The following FHOD3 variants were observed in gnomAD, a reference collection of about 807,000 sequenced individuals.
FHOD3 encodes formin homology 2 domain containing 3.
FHOD3 carries 90 observed loss-of-function variants against 173.0 expected under a neutral mutation model. The ratio of observed to expected loss-of-function variants is 0.52; its 90% CI spans 0.44 to 0.62. FHOD3 has a LOEUF of 0.62. FHOD3 is among the 20% of genes least tolerant of loss of function. The probability of loss-of-function intolerance (pLI) is 0.00; values close to 1 mark genes in which losing one functional copy is unlikely to be tolerated. For missense variants in FHOD3, 1,945 were observed against 2,034.7 expected, an observed-to-expected ratio of 0.96 and a Z score of 0.85; for synonymous variants, 828 against 823.0, an observed-to-expected ratio of 1.01 and a Z score of -0.10.
intron 9 of FHOD3, among the ~76,000 whole-genome samples, chr18:36,618,250 A>T: frequency 7.7e-6 from 1 of 130,632 alleles, no homozygotes; most frequent in African/African-American, 2.9e-5. Flanking sequence ...ATTTCTTTTC[A>T]TCTTTTAACC....
chr18:36,472,752 T>C (rs78684234), intron 3 of FHOD3, among the ~76,000 whole-genome samples: 127 of 152,362 alleles, frequency 8.3e-4, no homozygotes, highest in African/African-American at 2.9e-3. Context: ...TACTTCTTTT[T>C]TTCTACTGCT....
chr18:36,474,167 C>T (rs909567401), intron 3 of FHOD3, among the ~76,000 whole-genome samples: 1 of 152,206 alleles, frequency 6.6e-6, no homozygotes, highest in Non-Finnish European at 1.5e-5. Flanking sequence ...GGACTCAGAT[C>T]CTTAAAGTAT....
chr18:36,651,681 G>T (rs552054396), intron 11 of FHOD3, among the ~76,000 whole-genome samples: 67 of 152,124 alleles, frequency 4.4e-4, no homozygotes, highest in South Asian at 1.2e-3. Context: ...GAACCTGGGA[G>T]GCAAAGGTTG....
At chr18:36,358,328 C>T (rs1204237926) in intron 2 of FHOD3, among the ~76,000 whole-genome samples, 1 of 152,252 alleles carries the variant, frequency 6.6e-6, no homozygotes, top group Non-Finnish European at 1.5e-5. Context: ...AGCTTTGCTG[C>T]CATCATCCAT....
intron 27 of FHOD3, among the ~76,000 whole-genome samples, chr18:36,767,599 C>T (rs750657200): frequency 6.6e-5 from 10 of 152,282 alleles, no homozygotes; most frequent in Middle Eastern, 6.8e-3. Context: ...GGATTACAGA[C>T]GTGAGCCACT....
intron 3 of FHOD3, among the ~76,000 whole-genome samples, chr18:36,464,244 A>T: frequency 6.6e-6 from 1 of 152,236 alleles, no homozygotes; most frequent in East Asian, 1.9e-4. Flanking sequence ...CTCTGATAAA[A>T]GGTATCTGGT....
In FHOD3 at chr18:36,740,641, A is replaced by G. The variant is rs758443807; in HGVS notation, c.3577-15A>G. The G allele has an allele frequency of 9.4e-6, 15 of 1,603,400 alleles. No homozygotes were observed. The highest frequency in any genetic ancestry group is 1.3e-5 in the African/African-American group (1 of 74,578). ...TCACTAAGAGAAAATATACTATATC[A>G]TCTCCTATTTCCAGAAAATTCTAAC... On this transcript the variant is annotated splice_polypyrimidine_tract_variant and intron_variant, in intron 20 of 28. Transcript: ENST00000590592.
intron 5 of FHOD3, among the ~76,000 whole-genome samples, chr18:36,525,484 C>G (rs2056469368): frequency 6.6e-6 from 1 of 152,092 alleles, no homozygotes; most frequent in Non-Finnish European, 1.5e-5. Flanking sequence ...GATTTCTGCA[C>G]CATGGAAACT....
At chr18:36,754,230 GT>G (rs1157414109) in intron 24 of FHOD3, among the ~76,000 whole-genome samples, 2 of 152,102 alleles carry the variant, frequency 1.3e-5, no homozygotes, top group Non-Finnish European at 2.9e-5. Context: ...CTCAAAAAGA[GT>G]AAGCCAGTGT....
intron 4 of FHOD3, among the ~76,000 whole-genome samples, chr18:36,504,357 G>A (rs893710222): frequency 1.3e-5 from 2 of 151,972 alleles, no homozygotes; most frequent in East Asian, 1.9e-4. Context: ...GGGTCCCTCC[G>A]AATACCATTA....
intron 20 of FHOD3, among the ~76,000 whole-genome samples, chr18:36,739,332 A>G (rs960941491): frequency 5.3e-5 from 8 of 152,206 alleles, no homozygotes; most frequent in Admixed American, 2.0e-4. Flanking sequence ...CTCTGGGCAC[A>G]CTGCCTAGGA....
chr18:36,462,401 G>C (rs536787668), intron 3 of FHOD3, among the ~76,000 whole-genome samples: 8 of 151,648 alleles, frequency 5.3e-5, no homozygotes, highest in Non-Finnish European at 1.2e-4. Context: ...GTGCTATCTC[G>C]GCTCACTGCA....
intron 1 of FHOD3, among the ~76,000 whole-genome samples, chr18:36,323,773 A>G (rs7245237): frequency 0.086 from 13,098 of 152,200 alleles, 1,823 homozygotes; most frequent in African/African-American, 0.29. Context: ...ATCCTCGACT[A>G]CTTCAGTTTG....
Position 36,693,209 on chromosome 18 carries a change from A to T in FHOD3, c.2022A>T (p.Arg674Ser). 1 of 1,612,290 alleles carries T rather than the reference A, an allele frequency of 6.2e-7. No homozygotes were observed. Among genetic ancestry groups the T allele is most frequent in the Non-Finnish European group, 8.5e-7 (1 of 1,179,262 alleles). The change falls in exon 17 of 29, where the codon AGA (arginine) becomes AGT (serine). Residue 674 changes from arginine to serine, a missense_variant and splice_region_variant. Coordinates refer to ENST00000590592, the MANE Select transcript of FHOD3 (RefSeq NM_001281740.3). Reference protein sequence around the residue: ...REEQRQAREERYKYLEQLAAE... With the variant: ...REEQRQAREESYKYLEQLAAE... ...AAACCCTTTGGAATTTAACTTTCAG[A>T]TACAAATACTTGGAACAGTTGGCAG... is the stretch of plus-strand genomic sequence containing the variant.
At chr18:36,299,792 C>G (rs939769268) in intron 1 of FHOD3, among the ~76,000 whole-genome samples, 2 of 152,140 alleles carry the variant, frequency 1.3e-5, no homozygotes, top group African/African-American at 4.8e-5. Flanking sequence ...GACCCTTGAC[C>G]TTTGTTTTGG....
intron 24 of FHOD3, among the ~76,000 whole-genome samples, chr18:36,749,638 T>C (rs2042314864): frequency 6.6e-6 from 1 of 152,236 alleles, no homozygotes; most frequent in Non-Finnish European, 1.5e-5. Flanking sequence ...ACAATGAACA[T>C]TCGTGTGCAT....
intron 19 of FHOD3, among the ~76,000 whole-genome samples, chr18:36,729,620 A>C (rs2149901697): frequency 6.6e-6 from 1 of 152,288 alleles, no homozygotes; most frequent in East Asian, 1.9e-4. Context: ...CAAGCAGCAG[A>C]GGGAGAGAAC....
rs147585001 is a variant in FHOD3 at position 36,670,693 on chromosome 18, A to G, written c.1836-10743A>G. On this transcript the variant is annotated intron_variant, in intron 14 of 28. Coordinates refer to ENST00000590592, the MANE Select transcript of FHOD3 (RefSeq NM_001281740.3). ...ATAATTTACTTTTTTTCTTCTGATT[A>G]TGGCTTGTATTTTTGTACTTCTTTG... Among the ~76,000 whole-genome samples the G allele has an allele frequency of 4.6e-5, 7 of 152,162 alleles. 1 individual carries two copies. In the East Asian group the frequency reaches 7.7e-4, roughly 17 times the overall value.
intron 8 of FHOD3, among the ~76,000 whole-genome samples, chr18:36,606,524 G>A (rs1199752402): frequency 1.3e-5 from 2 of 152,060 alleles, no homozygotes; most frequent in East Asian, 3.9e-4. Flanking sequence ...ACTTTGGGGG[G>A]CATATTAAAA....
Sources: gnomAD v4.1 joint callset for allele counts (sites outside exome capture counted in the v4.1 genomes callset) on GRCh38, gnomAD v4.1.1 for gene constraint, MANE v1.5 for transcripts, NCBI Gene and HGNC (gene_info 2026-07-23, HGNC 2026-07-21) for gene names.